Variants in SEMA3A observed in about 807,000 individuals in gnomAD.
SEMA3A encodes the protein semaphorin-3A.
SEMA3A carries 29 observed loss-of-function variants against 97.9 expected under a neutral mutation model. The observed-to-expected ratio is 0.30, with a 90% CI of 0.22 to 0.40. SEMA3A has a LOEUF of 0.40. SEMA3A is among the 10% of genes least tolerant of loss of function. The pLI is 1.00. For missense variants in SEMA3A, 763 were observed against 951.3 expected, an observed-to-expected ratio of 0.80 and a Z score of 2.60; for synonymous variants, 321 against 323.7, an observed-to-expected ratio of 0.99 and a Z score of 0.09.
At chr7:84,442,730 C>T (rs914401972) in intron 1 of SEMA3A, among the ~76,000 whole-genome samples, 3 of 152,022 alleles carry the variant, frequency 2.0e-5, no homozygotes, top group African/African-American at 7.2e-5. Context: ...CTATAAGAGA[C>T]TCATTTTGGA....
At chr7:84,037,110 T>A (rs1056460108) in intron 6 of SEMA3A, among the ~76,000 whole-genome samples, 33 of 152,082 alleles carry the variant, frequency 2.2e-4, no homozygotes, top group Non-Finnish European at 4.3e-4. Context: ...CTTCCTCTCC[T>A]TCAACATTCT....
intron 3 of SEMA3A, among the ~76,000 whole-genome samples, chr7:84,276,893 A>G (rs1019302839): frequency 6.6e-6 from 1 of 152,162 alleles, no homozygotes; most frequent in African/African-American, 2.4e-5. Context: ...CCCTCAATAA[A>G]TACGAAACTT....
intron 3 of SEMA3A, among the ~76,000 whole-genome samples, chr7:84,283,150 A>G (rs1800489935): frequency 6.6e-6 from 1 of 152,100 alleles, no homozygotes; most frequent in Non-Finnish European, 1.5e-5. Flanking sequence ...TTTAAAGGTT[A>G]CGAACAGTAA....
At chr7:84,454,498 T>C (rs1805639755) in intron 1 of SEMA3A, among the ~76,000 whole-genome samples, 2 of 152,174 alleles carry the variant, frequency 1.3e-5, no homozygotes, top group Admixed American at 1.3e-4. Flanking sequence ...TTATAGTAAT[T>C]TGAATGTTAC....
At position 84,452,395 on chromosome 7, in the gene SEMA3A, T is replaced by G. The variant is rs373409364; in HGVS notation, c.-246+40065A>C. Among the ~76,000 whole-genome samples the G allele has an allele frequency of 1.2e-3, 189 of 152,284 alleles. 2 individuals are homozygous for G. Among genetic ancestry groups the G allele is most frequent in the African/African-American group, 4.4e-3 (183 of 41,570 alleles). ...GGGCACCTTAGTGGAGAATGAATCC[T>G]ATTGTTTGAGAGTTGACATGGCCAG... On this transcript the variant is annotated intron_variant, in intron 1 of 3. Transcript: ENST00000424555.
At chr7:84,437,893 G>A (rs941622678) in intron 1 of SEMA3A, among the ~76,000 whole-genome samples, 1 of 151,718 alleles carries the variant, frequency 6.6e-6, no homozygotes, top group African/African-American at 2.4e-5. Flanking sequence ...TCCTCAAGCC[G>A]ATATGGCACT....
At chr7:84,426,177 T>C (rs1253337761) in intron 1 of SEMA3A, among the ~76,000 whole-genome samples, 3 of 151,904 alleles carry the variant, frequency 2.0e-5, no homozygotes. Flanking sequence ...TTCATCACTA[T>C]ACAATTCATC....
intron 1 of SEMA3A, among the ~76,000 whole-genome samples, chr7:84,189,691 C>T (rs2158565): frequency 0.063 from 9,558 of 151,542 alleles, 367 homozygotes; most frequent in African/African-American, 0.1. Context: ...GCATAATAGC[C>T]TCCATAACAA....
chr7:84,091,155 GGAAGGAAGGAAGGAAAGAAA>G (rs1562774128), intron 4 of SEMA3A, among the ~76,000 whole-genome samples: 3 of 23,326 alleles, frequency 1.3e-4, no homozygotes, highest in African/African-American at 1.6e-4. Context: ...AAGGAAGGAA[GGAAGGAAGGAAGGAAAGAAA>G]GAAAGAAAGA....
chr7:84,380,360 A>G (rs1167939364), intron 1 of SEMA3A, among the ~76,000 whole-genome samples: 1 of 152,234 alleles, frequency 6.6e-6, no homozygotes, highest in Non-Finnish European at 1.5e-5. Context: ...GTTTGATAGC[A>G]TAATTAAAAT....
chr7:84,313,352 GTGTGTATATATATATA>G (rs1476148048), intron 2 of SEMA3A, among the ~76,000 whole-genome samples: 1,919 of 83,356 alleles, frequency 0.023, 113 homozygotes, highest in Non-Finnish European at 0.029. Flanking sequence ...GTATATGTGT[GTGTGTATATATATATA>G]TATATATATA....
intron 1 of SEMA3A, among the ~76,000 whole-genome samples, chr7:84,372,503 T>A (rs2116106564): frequency 6.6e-6 from 1 of 152,212 alleles, no homozygotes; most frequent in African/African-American, 2.4e-5. Context: ...TTGGAGGCCA[T>A]GGCAAGAGGT....
chr7:84,197,223 A>G (rs1798253362), upstream of SEMA3A, among the ~76,000 whole-genome samples: 1 of 152,170 alleles, frequency 6.6e-6, no homozygotes, highest in Non-Finnish European at 1.5e-5. Context: ...ATGATTATTT[A>G]TATTTGATAT....
At chr7:84,425,553 C>G (rs1053300357) in intron 1 of SEMA3A, among the ~76,000 whole-genome samples, 1 of 142,864 alleles carries the variant, frequency 7.0e-6, no homozygotes, top group African/African-American at 2.6e-5. Flanking sequence ...TGAATATAAA[C>G]ATATTTATAT....
intron 3 of SEMA3A, among the ~76,000 whole-genome samples, chr7:84,217,718 G>C (rs1353202279): frequency 6.6e-6 from 1 of 151,790 alleles, no homozygotes; most frequent in Non-Finnish European, 1.5e-5. Flanking sequence ...CTATGATCCT[G>C]CCAGGGCACG....
intron 1 of SEMA3A, among the ~76,000 whole-genome samples, chr7:84,377,990 C>T (rs1021526384): frequency 1.4e-4 from 22 of 152,088 alleles, no homozygotes; most frequent in African/African-American, 5.1e-4. Flanking sequence ...ACAATTTATA[C>T]TTGTCCCCTC....
At chr7:84,268,030 C>G (rs998996260) in intron 3 of SEMA3A, among the ~76,000 whole-genome samples, 14 of 152,004 alleles carry the variant, frequency 9.2e-5, no homozygotes, top group Non-Finnish European at 2.1e-4. Flanking sequence ...AAATGGAACT[C>G]ATAGCTGTAT....
At chr7:84,228,944 C>G (rs1438151356) in intron 3 of SEMA3A, among the ~76,000 whole-genome samples, 1 of 152,014 alleles carries the variant, frequency 6.6e-6, no homozygotes, top group Non-Finnish European at 1.5e-5. Flanking sequence ...CTTTATTAAA[C>G]TTGCCTCAAA....
chr7:83,982,530 T>C (rs1277791428), intron 13 of SEMA3A, among the ~76,000 whole-genome samples: 1 of 152,178 alleles, frequency 6.6e-6, no homozygotes. Context: ...ATAGCTCTCT[T>C]TTCTTGCACT....
Sources: allele counts gnomAD v4.1 joint callset (sites outside exome capture counted in the v4.1 genomes callset), GRCh38; gene constraint gnomAD v4.1.1; transcripts MANE v1.5; gene names NCBI Gene and HGNC (gene_info 2026-07-23, HGNC 2026-07-21).